TRRAP: variants seen among roughly 807,000 people sequenced by gnomAD.
The protein encoded by TRRAP is transformation/transcription domain associated protein.
TRRAP carries 41 observed loss-of-function variants against 438.8 expected under a neutral mutation model. The observed-to-expected ratio is 0.09, with a 90% CI of 0.07 to 0.12. TRRAP has a LOEUF of 0.12. Among genes scored for constraint, TRRAP ranks in the 10% least tolerant of loss-of-function variants. TRRAP has a pLI of 1.00. For missense variants in TRRAP, 3,122 were observed against 5,055.1 expected (o/e 0.62, Z 11.60); for synonymous variants, 1,994 against 1,962.9 (o/e 1.02, Z -0.42).
intron 4 of TRRAP, among the ~76,000 whole-genome samples, chr7:98,892,095 G>A (rs1796006291): frequency 6.6e-6 from 1 of 152,114 alleles, no homozygotes; most frequent in African/African-American, 2.4e-5. Context: ...TTCAGTTTGT[G>A]TTTTGCTCTT....
Position 99,005,670 on chromosome 7 carries a change from G to A in TRRAP, c.10753+322G>A, listed in dbSNP as rs554256022. Among the ~76,000 whole-genome samples, 15 of 152,130 alleles carry A rather than the reference G, an allele frequency of 9.9e-5. 1 individual carries two copies. In the South Asian group the frequency reaches 3.1e-3, roughly 32 times the overall value. On this transcript the variant is annotated intron_variant, in intron 69 of 72. Transcript: ENST00000456197. The surrounding 1 kb of genome is among the most constrained non-coding windows in gnomAD (Gnocchi z 5.1). ...TTCGTCAACTTTCTTAGGACATTAT[G>A]AGATTTCTTTTTCTTTTTTTTTTTC...
chr7:98,899,575 GTA>G, intron 9 of TRRAP, 76 bp downstream of exon 9: 1 of 1,604,352 alleles, frequency 6.2e-7, no homozygotes, highest in East Asian at 2.2e-5. Context: ...CAAAAGATGT[GTA>G]TAATACACAC....
At chr7:98,899,348 C>A (rs1554406271) in intron 8 of TRRAP, 74 bp from the exon 9 acceptor site, 3 of 1,232,458 alleles carry the variant, frequency 2.4e-6, no homozygotes, top group Non-Finnish European at 3.6e-6. Flanking sequence ...GTGGGTGATG[C>A]TCAGTGGGCA....
At chr7:98,904,044 A>T (rs1345122133) in intron 12 of TRRAP, among the ~76,000 whole-genome samples, 1 of 152,050 alleles carries the variant, frequency 6.6e-6, no homozygotes, top group Non-Finnish European at 1.5e-5. Context: ...TCCTGACCTC[A>T]AGTGATGTGC....
At chr7:98,941,595 A>G (rs782135721) in intron 30 of TRRAP, among the ~76,000 whole-genome samples, 2 of 152,076 alleles carry the variant, frequency 1.3e-5, no homozygotes, top group Non-Finnish European at 2.9e-5. Flanking sequence ...CTACCCCTTT[A>G]ATTCTGTTAC....
intron 21 of TRRAP, among the ~76,000 whole-genome samples, chr7:98,924,372 G>A (rs1554411121): frequency 6.6e-6 from 1 of 152,224 alleles, no homozygotes; most frequent in Non-Finnish European, 1.5e-5. Flanking sequence ...AAGCTGTAAA[G>A]TGTGTACCCA....
chr7:98,978,381 A>G (rs760791905), intron 57 of TRRAP, 58 bp downstream of exon 57: 476 of 1,456,646 alleles, frequency 3.3e-4, no homozygotes, highest in Non-Finnish European at 4.5e-5. Flanking sequence ...CCAGGGAAAA[A>G]TCTCTGACCT....
chr7:98,989,032 A>G, intron 63 of TRRAP, 66 bp downstream of exon 63: 1 of 1,537,554 alleles, frequency 6.5e-7, no homozygotes, highest in Non-Finnish European at 8.8e-7. Flanking sequence ...ACAGAAATTT[A>G]GCTATAGTTT....
At chr7:98,977,158 G>A (rs968391016) in intron 56 of TRRAP, 82 bp downstream of exon 56, 44 of 1,576,888 alleles carry the variant, frequency 2.8e-5, no homozygotes, top group African/African-American at 2.2e-4. Context: ...TCCTCAAGTC[G>A]GAGTTCACGT....
chr7:98,931,804 G>A, intron 26 of TRRAP, 139 bp downstream of exon 26: 1 of 1,159,836 alleles, frequency 8.6e-7, no homozygotes, highest in Non-Finnish European at 1.2e-6. Context: ...ACCCTGCGTG[G>A]GTACCAAAAT....
chr7:98,975,849 T>C (rs1792631626), intron 53 of TRRAP: 1 of 283,522 alleles, frequency 3.5e-6, no homozygotes, highest in Non-Finnish European at 6.5e-6. Flanking sequence ...GTTTTTGTCC[T>C]TCTTGGATAT....
intron 58 of TRRAP, among the ~76,000 whole-genome samples, chr7:98,979,452 T>G (rs1792814601): frequency 1.3e-5 from 2 of 152,202 alleles, no homozygotes; most frequent in Admixed American, 6.5e-5. Flanking sequence ...TTTTAGGGAA[T>G]GACAAGAAAA....
chr7:98,985,455 A>T (rs1793107120), intron 62 of TRRAP, among the ~76,000 whole-genome samples: 1 of 152,210 alleles, frequency 6.6e-6, no homozygotes, highest in African/African-American at 2.4e-5. Flanking sequence ...ATTGGAACAC[A>T]TCCCTCCCCA....
At chr7:98,952,015 G>T (rs376445236) in intron 39 of TRRAP, among the ~76,000 whole-genome samples, 1 of 152,192 alleles carries the variant, frequency 6.6e-6, no homozygotes, top group African/African-American at 2.4e-5. Context: ...GTGGATGCAG[G>T]TGTGGGCCTG....
intron 50 of TRRAP, 54 bp from the exon 51 acceptor site, chr7:98,967,431 T>A: frequency 1.9e-6 from 3 of 1,573,872 alleles, no homozygotes; most frequent in Non-Finnish European, 2.6e-6. Context: ...TCTGCTTGTT[T>A]GCATATGACT....
intron 26 of TRRAP, among the ~76,000 whole-genome samples, chr7:98,931,994 A>G (rs1790346435): frequency 1.3e-5 from 2 of 151,668 alleles, no homozygotes; most frequent in Non-Finnish European, 2.9e-5. Context: ...AGCTCACTGC[A>G]GCCTGGAACT....
rs575173171 is a variant in TRRAP, at chr7:98,910,888, G to GT, written c.1813-177dup. ...TTTTTCATGGTCTGAACACCTAGAG[G>GT]TTTTTTTTTTTTAATTCTTTGCCAA... On this transcript the variant is annotated intron_variant, in intron 16 of 72. Transcript: ENST00000456197. Among the ~76,000 whole-genome samples, 405 of 147,056 alleles carry GT rather than the reference G, an allele frequency of 2.8e-3. 1 individual carries two copies. The highest frequency in any genetic ancestry group is 5.3e-3 in the African/African-American group (212 of 40,248).
intron 30 of TRRAP, among the ~76,000 whole-genome samples, chr7:98,940,024 G>A (rs1790726527): frequency 6.6e-6 from 1 of 151,992 alleles, no homozygotes; most frequent in South Asian, 2.1e-4. Context: ...TGGGATTACA[G>A]GTGTCTGCCA....
chr7:98,929,066 G>C (rs571012552), intron 23 of TRRAP, among the ~76,000 whole-genome samples: 24 of 152,040 alleles, frequency 1.6e-4, no homozygotes, highest in African/African-American at 5.8e-4. Context: ...CCCCTCCTGA[G>C]TAGCTGGGAT....
Sources: gnomAD v4.1 joint callset for allele counts (sites outside exome capture counted in the v4.1 genomes callset) on GRCh38, gnomAD v4.1.1 for gene constraint, Gnocchi (gnomAD v3.1) non-coding constraint, MANE v1.5 for transcripts, NCBI Gene and HGNC (gene_info 2026-07-23, HGNC 2026-07-21) for gene names.